Variants in ROR2 observed in about 807,000 individuals in gnomAD.
ROR2 encodes ROR family WNT receptor 2, also known as tyrosine-protein kinase transmembrane receptor ROR2.
Under a neutral mutation model 74.9 loss-of-function variants are expected in ROR2, and 33 were observed. That is an observed-to-expected ratio of 0.44 (90% confidence interval 0.33 to 0.59). The LOEUF is 0.59. ROR2 is among the 20% of genes least tolerant of loss of function. ROR2 has a pLI of 0.02. For missense variants in ROR2, 1,216 were observed against 1,313.8 expected (o/e 0.93, Z 1.15); for synonymous variants, 586 against 558.7 (o/e 1.05, Z -0.69).
At chr9:91,823,922 G>C (rs187296790) in intron 1 of ROR2, among the ~76,000 whole-genome samples, 6 of 152,346 alleles carry the variant, frequency 3.9e-5, no homozygotes, top group Middle Eastern at 3.4e-3. Flanking sequence ...TTCACCAGCG[G>C]TTCCTCTAAG....
chr9:91,802,997 T>TC (rs1224012740), intron 1 of ROR2, among the ~76,000 whole-genome samples: 3 of 151,962 alleles, frequency 2.0e-5, no homozygotes, highest in Admixed American at 6.6e-5. Context: ...CAACAGGTTA[T>TC]CAGCTCACAC....
intron 1 of ROR2, among the ~76,000 whole-genome samples, chr9:91,899,905 C>A (rs887087592): frequency 5.9e-5 from 9 of 152,180 alleles, no homozygotes; most frequent in African/African-American, 2.2e-4. Flanking sequence ...ATATGCAACA[C>A]ATCTGCACAC....
At chr9:91,880,477 GCA>G (rs1587815428) in intron 1 of ROR2, among the ~76,000 whole-genome samples, 2 of 152,222 alleles carry the variant, frequency 1.3e-5, no homozygotes, top group African/African-American at 4.8e-5. Flanking sequence ...AGTGCTGTGA[GCA>G]CACTAATACA....
intron 1 of ROR2, among the ~76,000 whole-genome samples, chr9:91,801,021 C>T (rs1261225544): frequency 6.6e-6 from 1 of 152,182 alleles, no homozygotes; most frequent in Non-Finnish European, 1.5e-5. Context: ...GGGAACTCTG[C>T]TACCTATGGG....
chr9:91,881,144 T>C (rs942914421), intron 1 of ROR2, among the ~76,000 whole-genome samples: 1 of 152,156 alleles, frequency 6.6e-6, no homozygotes, highest in African/African-American at 2.4e-5. Context: ...ACTTCACAAA[T>C]ATAACTTGGA....
chr9:91,767,706 G>A (rs954554648), intron 2 of ROR2, among the ~76,000 whole-genome samples: 22 of 152,364 alleles, frequency 1.4e-4, no homozygotes, highest in African/African-American at 5.3e-4. Flanking sequence ...CTGTTGAGTG[G>A]TGCATGCAGC....
At chr9:91,778,127 A>G (rs560228292) in intron 1 of ROR2, among the ~76,000 whole-genome samples, 14 of 152,356 alleles carry the variant, frequency 9.2e-5, no homozygotes, top group African/African-American at 3.1e-4. Context: ...AGACCTGCAC[A>G]TGCCCTCACT....
chr9:91,790,557 A>G (rs1014139997), intron 1 of ROR2, among the ~76,000 whole-genome samples: 2 of 152,112 alleles, frequency 1.3e-5, no homozygotes, highest in Non-Finnish European at 2.9e-5. Context: ...TGTCCAGTAC[A>G]TAATACTTGA....
At chr9:91,873,118 T>C (rs1370036840) in intron 1 of ROR2, among the ~76,000 whole-genome samples, 2 of 152,228 alleles carry the variant, frequency 1.3e-5, no homozygotes, top group Non-Finnish European at 2.9e-5. Flanking sequence ...TGGGTCCGGC[T>C]TGCTTTTCCG....
intron 1 of ROR2, among the ~76,000 whole-genome samples, chr9:91,854,401 T>C (rs1829211483): frequency 6.6e-6 from 1 of 152,214 alleles, no homozygotes; most frequent in South Asian, 2.1e-4. Flanking sequence ...TTGACTGGCA[T>C]GGTCTTTTCT....
At chr9:91,900,218 G>A (rs1038772477) in intron 1 of ROR2, among the ~76,000 whole-genome samples, 1 of 152,188 alleles carries the variant, frequency 6.6e-6, no homozygotes. Flanking sequence ...CCGCCAGGGG[G>A]TGGGGGGCAG....
chr9:91,851,556 T>G (rs1164601208), intron 1 of ROR2, among the ~76,000 whole-genome samples: 1 of 152,192 alleles, frequency 6.6e-6, no homozygotes, highest in Non-Finnish European at 1.5e-5. Flanking sequence ...CAGTTCTACG[T>G]GGACTTCAGA....
At position 91,724,946 on chromosome 9, in the gene ROR2, G is replaced by A. The variant is rs2118625714; in HGVS notation, c.1548C>T (p.Pro516=). The A allele has an allele frequency of 6.2e-7, 1 of 1,613,216 alleles. No homozygotes were observed. Among genetic ancestry groups the A allele is most frequent in the Non-Finnish European group, 8.5e-7 (1 of 1,179,652 alleles). Residue 516 remains proline, a synonymous_variant, in exon 9 of 9, where the codon CCC becomes CCT. Transcript: ENST00000375708. The stretch of plus-strand genomic sequence containing the variant: ...CCTCATGCCGGAACTCCTCCCGCAG[G>A]GGCCCCTCCGCTTTGTCCTTCAGCG... The part of the protein sequence containing the change: ...IKTLKDKAEG[P]LREEFRHEAM...
At chr9:91,879,020 C>T (rs1332986094) in intron 1 of ROR2, among the ~76,000 whole-genome samples, 4 of 150,910 alleles carry the variant, frequency 2.7e-5, no homozygotes, top group African/African-American at 9.8e-5. Context: ...CCAGCCTGGG[C>T]GACAGAGCGA....
chr9:91,824,548 A>C (rs1196955535), intron 1 of ROR2, among the ~76,000 whole-genome samples: 1 of 152,214 alleles, frequency 6.6e-6, no homozygotes, highest in East Asian at 1.9e-4. Context: ...AAAAATTTCA[A>C]AAGCACTCAC....
chr9:91,771,766 T>A (rs1826236568), intron 2 of ROR2, among the ~76,000 whole-genome samples: 1 of 151,986 alleles, frequency 6.6e-6, no homozygotes, highest in African/African-American at 2.4e-5. Context: ...ATAAGCTTCA[T>A]GCCAAATACT....
chr9:91,879,660 C>A (rs760128278), intron 1 of ROR2, among the ~76,000 whole-genome samples: 1 of 152,148 alleles, frequency 6.6e-6, no homozygotes, highest in Non-Finnish European at 1.5e-5. Flanking sequence ...GAAGAGCCCA[C>A]TCTCTTCCTT....
chr9:91,901,335 A>G (rs980599312), intron 1 of ROR2, among the ~76,000 whole-genome samples: 1 of 152,212 alleles, frequency 6.6e-6, no homozygotes, highest in African/African-American at 2.4e-5. Context: ...TGAAACACCA[A>G]TAACTAGGAG....
rs1424605019 is a variant in ROR2, at chr9:91,731,152, T to C, written c.941A>G (p.His314Arg). 6 of 1,613,932 alleles carry C rather than the reference T, an allele frequency of 3.7e-6. No homozygotes were observed. The highest frequency in any genetic ancestry group is 5.1e-6 in the Non-Finnish European group (6 of 1,180,026). ...GIPAERLGRY[H>R]QCYNGSGMDY... ...CATGCCTGAGCCGTTATAGCACTGA[T>C]GGTCTGAACAAGGAAAACACGTTAG... Residue 314 changes from histidine to arginine, a missense_variant, in exon 7 of 9, where the codon CAT (histidine) becomes CGT (arginine). By Grantham distance (29) the His-to-Arg change is conservative (BLOSUM62 0). Transcript: ENST00000375708.
Sources: allele counts gnomAD v4.1 joint callset (sites outside exome capture counted in the v4.1 genomes callset), GRCh38; gene constraint gnomAD v4.1.1; transcripts MANE v1.5; gene names NCBI Gene and HGNC (gene_info 2026-07-23, HGNC 2026-07-21).